Variants in WDR59 observed in about 807,000 individuals in gnomAD.
WDR59 encodes WD repeat domain 59, also known as GATOR2 complex protein WDR59.
A neutral mutation model predicts 131.2 loss-of-function variants in WDR59; 100 were observed. The observed-to-expected ratio is 0.76, with a 90% CI of 0.65 to 0.90. WDR59 has a LOEUF of 0.90. Among genes scored for constraint, WDR59 ranks in the 40% least tolerant of loss-of-function variants. WDR59 has a pLI of 0.00. For synonymous variants in WDR59, 601 were observed against 466.2 expected (o/e 1.29, Z -3.72); for missense variants, 1,203 against 1,262.2 (o/e 0.95, Z 0.71).
chr16:74,916,010 A>T lies in WDR59; in HGVS notation c.1100-16T>A. On this transcript the variant is annotated splice_polypyrimidine_tract_variant and intron_variant, in intron 12 of 25. Transcript: ENST00000262144. ...TCTTTTAGGGCTAGCAGGAGAGAGA[A>T]GTTCAATGTTGGAAAGCATTTTTGA... 6.2e-7 allele frequency: 1 copy of T among 1,614,156 alleles called. No homozygotes were observed. Among genetic ancestry groups the T allele is most frequent in the East Asian group, 2.2e-5 (1 of 44,886 alleles).
rs891532324 is a variant in WDR59, at chr16:74,960,788, T to C, written c.105-4178A>G. Reference sequence around the variant, plus strand: ...AAAAAAAAGAGAGAGAGAAAGAAAATGGGAAAATAAAAGGGAGAAAATGAT... The same window carrying C: ...AAAAAAAAGAGAGAGAGAAAGAAAACGGGAAAATAAAAGGGAGAAAATGAT... On this transcript the variant is annotated intron_variant, in intron 2 of 25. Coordinates refer to ENST00000262144, the MANE Select transcript of WDR59 (RefSeq NM_030581.4). Among the ~76,000 whole-genome samples the C allele has an allele frequency of 2.8e-5, 4 of 140,792 alleles. No individual in the cohort carries two copies. In the East Asian group the frequency reaches 8.3e-4, roughly 29 times the overall value. 92.4% of individuals were successfully genotyped at this position (140,792 alleles called of 152,430 possible).
chr16:74,975,375 A>C (rs1461876211), intron 1 of WDR59, among the ~76,000 whole-genome samples: 1 of 151,190 alleles, frequency 6.6e-6, no homozygotes, highest in Non-Finnish European at 1.5e-5. Context: ...CAACAAAAAA[A>C]AACAAGGCTG....
intron 25 of WDR59, among the ~76,000 whole-genome samples, chr16:74,881,363 A>AT (rs1200369770): frequency 0.02 from 2,852 of 145,322 alleles, 54 homozygotes; most frequent in African/African-American, 0.059. Context: ...TTTTTCTTTA[A>AT]TTTTTTTTTT....
chr16:74,940,853 C>A (rs2032162569), intron 7 of WDR59, among the ~76,000 whole-genome samples: 1 of 151,922 alleles, frequency 6.6e-6, no homozygotes, highest in Admixed American at 6.6e-5. Context: ...CTACAGGCGC[C>A]CGCCATCACG....
intron 4 of WDR59, among the ~76,000 whole-genome samples, chr16:74,951,115 G>A (rs1285505078): frequency 1.5e-5 from 2 of 136,658 alleles, no homozygotes; most frequent in Non-Finnish European, 1.5e-5. Context: ...AGCCAAGATC[G>A]CACCATTGCA....
chr16:74,925,304 G>A (rs1049395857), intron 8 of WDR59, among the ~76,000 whole-genome samples: 1 of 152,140 alleles, frequency 6.6e-6, no homozygotes, highest in Non-Finnish European at 1.5e-5. Context: ...GGGAGGCCAA[G>A]GCAGGCAGGC....
intron 25 of WDR59, 97 bp from the exon 26 acceptor site, chr16:74,874,541 C>T (rs2870148): frequency 0.97 from 964,730 of 997,406 alleles, 466,848 homozygotes; most frequent in East Asian, 1. Flanking sequence ...GTCTTCCTCT[C>T]AAGACTCTAG....
intron 8 of WDR59, among the ~76,000 whole-genome samples, chr16:74,925,169 A>G (rs191420043): frequency 4.5e-4 from 68 of 152,334 alleles, no homozygotes; most frequent in African/African-American, 1.6e-3. Flanking sequence ...AAGTCTATGC[A>G]TTATTAATTT....
chr16:74,874,405 C>T lies in WDR59; in HGVS notation c.2729G>A (p.Arg910His), dbSNP rs140989102. Residue 910 changes from arginine (R) to histidine (H), a missense_variant, in exon 26 of 26, where the codon CGT (arginine) becomes CAT (histidine). Coordinates refer to ENST00000262144, the MANE Select transcript of WDR59 (RefSeq NM_030581.4). ...TTTGCAGATGGCACACTGCGTGCCACGGACCTCACTCCGGCAGTGGCTGCA... is the reference window on the plus strand; with the variant it reads ...TTTGCAGATGGCACACTGCGTGCCATGGACCTCACTCCGGCAGTGGCTGCA... ...VYCSHCRSEV[R>H]GTQCAICKGF... 4.9e-5 allele frequency: 79 copies of T among 1,613,924 alleles called. No homozygotes were observed. Among genetic ancestry groups the T allele is most frequent in the Non-Finnish European group, 6.0e-5 (71 of 1,180,030 alleles).
intron 13 of WDR59, among the ~76,000 whole-genome samples, chr16:74,912,794 C>G (rs1284759923): frequency 6.6e-6 from 1 of 152,164 alleles, no homozygotes; most frequent in Non-Finnish European, 1.5e-5. Context: ...AAAAGTATTC[C>G]TTATGGGAAA....
At chr16:74,956,763 G>C (rs1254510084) in intron 2 of WDR59, among the ~76,000 whole-genome samples, 153 bp from the exon 3 acceptor site, 1 of 152,204 alleles carries the variant, frequency 6.6e-6, no homozygotes, top group East Asian at 1.9e-4. Context: ...AGGCAAAGAA[G>C]TGACAAGTGT....
intron 6 of WDR59, among the ~76,000 whole-genome samples, chr16:74,945,346 G>A (rs539241202): frequency 2.9e-4 from 42 of 144,194 alleles, no homozygotes; most frequent in African/African-American, 6.9e-4. Flanking sequence ...GCATGGTGGC[G>A]GGCGCCTGCA....
chr16:74,925,708 A>G (rs756259079), intron 8 of WDR59, among the ~76,000 whole-genome samples: 4 of 152,088 alleles, frequency 2.6e-5, no homozygotes, highest in Non-Finnish European at 4.4e-5. Context: ...GTGGGCAGTT[A>G]TATGCAACTC....
intron 1 of WDR59, among the ~76,000 whole-genome samples, chr16:74,983,179 C>CA (rs933522843): frequency 5.9e-5 from 9 of 151,958 alleles, no homozygotes; most frequent in African/African-American, 1.7e-4. Context: ...TCTGTCTCTA[C>CA]AAAAAATAAT....
intron 6 of WDR59, among the ~76,000 whole-genome samples, chr16:74,946,705 A>G (rs1227323222): frequency 1.3e-5 from 2 of 152,104 alleles, no homozygotes; most frequent in East Asian, 3.9e-4. Context: ...CCTGGGTGAC[A>G]GAGTGAGGAT....
At chr16:74,954,633 A>G (rs1258515611) in intron 3 of WDR59, among the ~76,000 whole-genome samples, 1 of 152,186 alleles carries the variant, frequency 6.6e-6, no homozygotes, top group Non-Finnish European at 1.5e-5. Flanking sequence ...TGACCCTGCA[A>G]TTCCACTCTT....
intron 8 of WDR59, among the ~76,000 whole-genome samples, chr16:74,928,426 G>A (rs970691903): frequency 1.3e-5 from 2 of 150,824 alleles, no homozygotes; most frequent in African/African-American, 4.9e-5. Context: ...CCTATGTTGC[G>A]CAGGCTGGTC....
At position 74,893,774 on chromosome 16, in the gene WDR59, G is replaced by C. The variant is rs758955742; in HGVS notation, c.1905C>G (p.Asp635Glu). The C allele has an allele frequency of 1.2e-6, 2 of 1,614,198 alleles. No homozygotes were observed. Among genetic ancestry groups the C allele is most frequent in the Non-Finnish European group, 8.5e-7 (1 of 1,180,026 alleles). Residue 635 changes from aspartate to glutamate, a missense_variant, in exon 19 of 26, where the codon GAC becomes GAG. By Grantham distance (45) the Asp-to-Glu change is conservative. Transcript: ENST00000262144. ...CAGCCTTGATCTGTCGATTGCCAGA[G>C]TCTGATCCCTCACGCTTACTTTTCC... Reference protein sequence around the residue: ...RRWKSKREGSDSGNRQIKAAG... With the variant: ...RRWKSKREGSESGNRQIKAAG...
intron 6 of WDR59, among the ~76,000 whole-genome samples, chr16:74,946,855 T>C (rs909338618): frequency 2.0e-5 from 3 of 152,236 alleles, no homozygotes; most frequent in African/African-American, 7.2e-5. Flanking sequence ...AAGTACCATG[T>C]ACAGTAACCA....
Sources: gnomAD v4.1 joint callset for allele counts (sites outside exome capture counted in the v4.1 genomes callset) on GRCh38, gnomAD v4.1.1 for gene constraint, MANE v1.5 for transcripts, NCBI Gene and HGNC (gene_info 2026-07-23, HGNC 2026-07-21) for gene names.